The following TAFA2 variants were observed in gnomAD, a reference collection of about 807,000 sequenced individuals.
TAFA2 encodes the protein TAFA chemokine like family member 2, also known as chemokine-like protein TAFA-2.
Under a neutral mutation model 18.8 loss-of-function variants are expected in TAFA2, and 7 were observed. The observed-to-expected ratio is 0.37, with a 90% CI of 0.21 to 0.70. The LOEUF is 0.70. Among genes scored for constraint, TAFA2 ranks in the 30% least tolerant of loss-of-function variants. The pLI is 0.53. For missense variants in TAFA2, 122 were observed against 158.1 expected, an observed-to-expected ratio of 0.77 and a Z score of 1.23; for synonymous variants, 60 against 54.2, an observed-to-expected ratio of 1.11 and a Z score of -0.47.
intron 1 of TAFA2, among the ~76,000 whole-genome samples, chr12:61,996,774 C>T (rs1191069787): frequency 1.3e-5 from 2 of 152,098 alleles, no homozygotes; most frequent in East Asian, 1.9e-4. Flanking sequence ...TCTCAGGTTC[C>T]GCTTTGGGGT....
chr12:62,158,690 T>A (rs1298803569), intron 1 of TAFA2, among the ~76,000 whole-genome samples: 1 of 152,246 alleles, frequency 6.6e-6, no homozygotes, highest in African/African-American at 2.4e-5. Flanking sequence ...ATGTAACTGA[T>A]CTTAATTTGA....
At chr12:61,904,094 G>T (rs748671994) in intron 1 of TAFA2, among the ~76,000 whole-genome samples, 3 of 152,168 alleles carry the variant, frequency 2.0e-5, no homozygotes, top group Non-Finnish European at 2.9e-5. Context: ...AAACCTCAAA[G>T]CATCCTTCTG....
rs931352389 is a variant in TAFA2, at chr12:61,709,557, C to T, written c.*849G>A. 6.6e-6 allele frequency: 1 copy of T among 151,884 alleles called. No homozygotes were observed. Among genetic ancestry groups the T allele is most frequent in the African/African-American group, 2.4e-5 (1 of 41,372 alleles). 9.4% of individuals were successfully genotyped at this position (151,884 alleles called of 1,614,324 possible). Reference sequence around the variant, plus strand: ...AAGGCTACCCATTAACTTGACTGCTCACTGCTGATTTCTGTGAAGGGAATA... The same window carrying T: ...AAGGCTACCCATTAACTTGACTGCTTACTGCTGATTTCTGTGAAGGGAATA... On this transcript the variant is annotated 3_prime_UTR_variant, in exon 5 of 5. Coordinates refer to ENST00000416284, the MANE Select transcript of TAFA2 (RefSeq NM_178539.5).
At chr12:62,001,215 A>G (rs766925720) in intron 1 of TAFA2, among the ~76,000 whole-genome samples, 21 of 152,108 alleles carry the variant, frequency 1.4e-4, no homozygotes, top group Admixed American at 4.6e-4. Flanking sequence ...TCTTTTATCC[A>G]TTCAGCAACA....
chr12:61,906,659 G>C (rs1269700650), intron 1 of TAFA2, among the ~76,000 whole-genome samples: 1 of 152,194 alleles, frequency 6.6e-6, no homozygotes, highest in Non-Finnish European at 1.5e-5. Flanking sequence ...GGTTTGAACA[G>C]TTTGGAAGGC....
At position 61,724,800 on chromosome 12, in the gene TAFA2, T is replaced by TATACACCA. The variant is rs1168349114; in HGVS notation, c.385-14384_385-14383insTGGTGTAT. 4.8e-3 allele frequency among the ~76,000 whole-genome samples: 650 copies of TATACACCA among 134,566 alleles called. 3 individuals are homozygous for TATACACCA. The highest frequency in any genetic ancestry group is 7.6e-3 in the African/African-American group (266 of 35,226). 88.3% of individuals were successfully genotyped at this position (134,566 alleles called of 152,430 possible). A position where few individuals can be genotyped will look rare whatever the true frequency, so the allele number is the denominator to read the frequency against. ...GTGTGTGTGTGTGTGTGTGTGTGTG[T>TATACACCA]GTATACACCAGATGGGTGTATATGT... On this transcript the variant is annotated intron_variant, in intron 4 of 4. Coordinates refer to ENST00000416284, the MANE Select transcript of TAFA2 (RefSeq NM_178539.5).
intron 2 of TAFA2, among the ~76,000 whole-genome samples, chr12:61,809,092 GA>G (rs1871750668): frequency 6.6e-6 from 1 of 151,496 alleles, no homozygotes; most frequent in African/African-American, 2.5e-5. Context: ...CACATAGCTT[GA>G]AAGTGTGTGT....
chr12:62,182,218 A>G (rs1377806808), intron 1 of TAFA2, among the ~76,000 whole-genome samples: 3 of 152,232 alleles, frequency 2.0e-5, no homozygotes, highest in Non-Finnish European at 2.9e-5. Flanking sequence ...CCAAACTTGT[A>G]TTAATATGTG....
At chr12:62,078,750 A>C (rs1868275967) in intron 1 of TAFA2, among the ~76,000 whole-genome samples, 1 of 152,196 alleles carries the variant, frequency 6.6e-6, no homozygotes, top group Non-Finnish European at 1.5e-5. Context: ...CTAGAGCTGC[A>C]AGCCTATTAA....
chr12:62,142,417 G>T (rs183071339), intron 1 of TAFA2, among the ~76,000 whole-genome samples: 12 of 152,288 alleles, frequency 7.9e-5, no homozygotes, highest in African/African-American at 2.6e-4. Context: ...GTGGTAAGTA[G>T]TTACAAATGC....
intron 2 of TAFA2, among the ~76,000 whole-genome samples, chr12:61,839,178 C>T (rs1820010355): frequency 6.6e-6 from 1 of 152,064 alleles, no homozygotes; most frequent in South Asian, 2.1e-4. Flanking sequence ...AAGATGTAAA[C>T]AGCAATGCTC....
intron 1 of TAFA2, among the ~76,000 whole-genome samples, chr12:62,046,475 C>T (rs1211688956): frequency 1.3e-5 from 2 of 151,782 alleles, no homozygotes; most frequent in Non-Finnish European, 2.9e-5. Flanking sequence ...AACATTTAAA[C>T]ATATTTCTTC....
chr12:62,092,164 C>T (rs1868741268), intron 1 of TAFA2, among the ~76,000 whole-genome samples: 1 of 151,942 alleles, frequency 6.6e-6, no homozygotes, highest in South Asian at 2.1e-4. Flanking sequence ...CATGTACCTA[C>T]TCAAGAGCAT....
In TAFA2 at chr12:62,047,390, A is replaced by G. The variant is rs916282900; in HGVS notation, c.-2+143869T>C. Among the ~76,000 whole-genome samples, 84 of 152,268 alleles carry G rather than the reference A, an allele frequency of 5.5e-4. 1 individual carries two copies. Among genetic ancestry groups the G allele is most frequent in the African/African-American group, 2.0e-3 (82 of 41,562 alleles). ...CTTATGTCCCAGGATCATCATAATG[A>G]TTCAATTAGATGGTGTAGGTAATAT... On this transcript the variant is annotated intron_variant, in intron 1 of 4. Transcript: ENST00000416284.
intron 4 of TAFA2, among the ~76,000 whole-genome samples, chr12:61,735,422 T>G (rs1032228502): frequency 6.6e-6 from 1 of 152,076 alleles, no homozygotes; most frequent in Non-Finnish European, 1.5e-5. Flanking sequence ...TAATTGTACA[T>G]ATTTATGTGA....
intron 2 of TAFA2, among the ~76,000 whole-genome samples, chr12:61,851,924 C>A (rs1377728178): frequency 1.4e-5 from 2 of 146,044 alleles, no homozygotes; most frequent in East Asian, 2.2e-4. Context: ...GGATAAAAGA[C>A]AAGCCGGGCA....
intron 1 of TAFA2, among the ~76,000 whole-genome samples, chr12:61,964,809 C>T (rs1327375913): frequency 1.3e-5 from 2 of 151,922 alleles, no homozygotes; most frequent in Non-Finnish European, 2.9e-5. Flanking sequence ...TCCTTCAGGA[C>T]CCAGTCCAAA....
At chr12:62,039,452 T>A (rs544834698) in intron 1 of TAFA2, among the ~76,000 whole-genome samples, 106 of 152,144 alleles carry the variant, frequency 7.0e-4, no homozygotes, top group African/African-American at 2.4e-3. Context: ...CTCAAAAAAA[T>A]TTTTCACTGG....
rs185454280 is a variant in TAFA2, at chr12:62,137,544, T to A, written c.-2+53715A>T. ...CCTTTACCTTCTATTTCTTCATGGC[T>A]AAGTTTATGGCATGGTCATCCACTG... is the stretch of plus-strand genomic sequence containing the variant. On this transcript the variant is annotated intron_variant, in intron 1 of 4. Transcript: ENST00000416284. Among the ~76,000 whole-genome samples the A allele has an allele frequency of 1.2e-3, 190 of 152,254 alleles. 3 individuals are homozygous for A. The highest frequency in any genetic ancestry group is 9.1e-4 in the Non-Finnish European group (62 of 68,006).
Sources: gnomAD v4.1 joint callset for allele counts (sites outside exome capture counted in the v4.1 genomes callset) on GRCh38, gnomAD v4.1.1 for gene constraint, MANE v1.5 for transcripts, NCBI Gene and HGNC (gene_info 2026-07-23, HGNC 2026-07-21) for gene names.